PTPRT: variants seen among roughly 807,000 people sequenced by gnomAD.
PTPRT encodes the protein protein tyrosine phosphatase receptor type T, also known as receptor-type tyrosine-protein phosphatase T.
In PTPRT, 56 loss-of-function variants were observed where a neutral mutation model predicts 176.8. That is an observed-to-expected ratio of 0.32 (90% CI 0.26 to 0.40). PTPRT has a LOEUF of 0.40. Ranked by LOEUF, PTPRT falls within the 10% of genes least tolerant of loss-of-function variation. The pLI, the probability that PTPRT is intolerant of heterozygous loss-of-function variation, is 1.00. For missense variants in PTPRT, 1,540 were observed against 1,908.2 expected, an observed-to-expected ratio of 0.81 and a Z score of 3.60; for synonymous variants, 783 against 739.0, an observed-to-expected ratio of 1.06 and a Z score of -0.96.
the PTPRT span, among the ~76,000 whole-genome samples, chr20:42,058,994 G>A: frequency 3.3e-5 from 5 of 152,296 alleles, no homozygotes; most frequent in East Asian, 9.7e-4. Flanking sequence ...GGGGTTAAAA[G>A]ATCCCCAGAC....
chr20:42,381,847 A>G (rs1003761421), intron 9 of PTPRT, among the ~76,000 whole-genome samples: 6 of 152,184 alleles, frequency 3.9e-5, no homozygotes, highest in African/African-American at 1.4e-4. Context: ...AAAACCTGAT[A>G]CGATTCAGAC....
intron 7 of PTPRT, among the ~76,000 whole-genome samples, chr20:42,653,335 A>G (rs2075066685): frequency 6.6e-6 from 1 of 152,158 alleles, no homozygotes; most frequent in South Asian, 2.1e-4. Flanking sequence ...TCTTTTCTTT[A>G]TAAATTACCT....
In PTPRT at chr20:43,082,432, T is replaced by A. The variant is rs368588785; in HGVS notation, c.88+107214A>T. Among the ~76,000 whole-genome samples, 57 of 152,330 alleles carry A rather than the reference T, an allele frequency of 3.7e-4. 1 individual carries two copies. The highest frequency in any genetic ancestry group is 1.3e-3 in the African/African-American group (55 of 41,570). On this transcript the variant is annotated intron_variant, in intron 1 of 30. Coordinates refer to ENST00000373187, the MANE Select transcript of PTPRT (RefSeq NM_007050.6). ...TTTATATTTGTTTATTCCTTTAATA[T>A]CTAAAGACTATTCATGACTATATCC...
intron 1 of PTPRT, among the ~76,000 whole-genome samples, chr20:43,026,265 G>A (rs373046835): frequency 2.0e-4 from 31 of 151,940 alleles, no homozygotes; most frequent in Admixed American, 8.5e-4. Context: ...TTACAGATGC[G>A]CACCACCACA....
intron 8 of PTPRT, among the ~76,000 whole-genome samples, chr20:42,452,974 A>G (rs189838218): frequency 6.6e-6 from 1 of 152,178 alleles, no homozygotes; most frequent in Admixed American, 6.5e-5. Flanking sequence ...CCATCTTACT[A>G]CCATATTAAA....
chr20:43,007,531 C>G (rs114772894), intron 1 of PTPRT, among the ~76,000 whole-genome samples: 4,035 of 152,234 alleles, frequency 0.027, 174 homozygotes, highest in African/African-American at 0.092. Context: ...TTTCTCATTA[C>G]GGATTTTGCT....
chr20:42,562,264 T>C (rs1212069220), intron 7 of PTPRT, among the ~76,000 whole-genome samples: 2 of 152,220 alleles, frequency 1.3e-5, no homozygotes, highest in Non-Finnish European at 2.9e-5. Flanking sequence ...ACCTAGGTAA[T>C]GCCACACCCC....
At chr20:42,216,110 C>T (rs1476881149) in intron 15 of PTPRT, among the ~76,000 whole-genome samples, 2 of 152,180 alleles carry the variant, frequency 1.3e-5, no homozygotes, top group African/African-American at 2.4e-5. Flanking sequence ...CCTCCTTCTC[C>T]GTTCCACACT....
In PTPRT at chr20:42,081,948, G is replaced by C; in HGVS notation, c.4206C>G (p.Asn1402Lys). Reference protein sequence around the residue: ...CSVCEMIQQQNIIDVFHIVKT... With the variant: ...CSVCEMIQQQKIIDVFHIVKT... ...TCACGATGTGGAACACGTCAATGATGTTTTGCTGCTGGATCATCTCACACA... is the reference window on the plus strand; with the variant it reads ...TCACGATGTGGAACACGTCAATGATCTTTTGCTGCTGGATCATCTCACACA... The change falls in exon 30 of 31, where the codon AAC becomes AAG. Residue 1402 changes from asparagine (N) to lysine (K), a missense_variant. Asn to Lys is a moderately conservative substitution (Grantham distance 94). Coordinates refer to ENST00000373187, the MANE Select transcript of PTPRT (RefSeq NM_007050.6). 1 of 1,614,226 alleles carries C rather than the reference G, an allele frequency of 6.2e-7. No individual in the cohort carries two copies. Among genetic ancestry groups the C allele is most frequent in the Non-Finnish European group, 8.5e-7 (1 of 1,180,026 alleles).
At chr20:42,317,771 A>C (rs1192068020) in intron 11 of PTPRT, among the ~76,000 whole-genome samples, 2 of 152,218 alleles carry the variant, frequency 1.3e-5, no homozygotes, top group African/African-American at 4.8e-5. Context: ...TTTCTTGAGC[A>C]TAGGAATTTT....
chr20:42,154,751 C>T (rs1989277066), intron 17 of PTPRT, among the ~76,000 whole-genome samples: 2 of 152,114 alleles, frequency 1.3e-5, no homozygotes, highest in African/African-American at 4.8e-5. Context: ...ACCATGGCAG[C>T]AGTTACATGG....
At chr20:42,929,752 TG>T (rs1367697835) in intron 1 of PTPRT, among the ~76,000 whole-genome samples, 11 of 152,340 alleles carry the variant, frequency 7.2e-5, no homozygotes, top group Middle Eastern at 6.8e-3. Flanking sequence ...AAATAATATT[TG>T]GTCTGATGTT....
rs571837345 is a variant in PTPRT, at chr20:42,726,325, T to G, written c.859+30137A>C. Among the ~76,000 whole-genome samples, 4 of 152,206 alleles carry G rather than the reference T, an allele frequency of 2.6e-5. No homozygotes were observed. The South Asian group carries it at 8.3e-4, about 32-fold the overall frequency. ...AACTCCTGACCTCAGGTGATCTGCCTGCCTTGGCCTCCCAAAGTGCTGGGA... is the reference window on the plus strand; with the variant it reads ...AACTCCTGACCTCAGGTGATCTGCCGGCCTTGGCCTCCCAAAGTGCTGGGA... On this transcript the variant is annotated intron_variant, in intron 6 of 30. Transcript: ENST00000373187.
chr20:42,887,405 G>T (rs116356133), intron 1 of PTPRT, among the ~76,000 whole-genome samples: 1 of 152,260 alleles, frequency 6.6e-6, no homozygotes, highest in Admixed American at 6.5e-5. Flanking sequence ...CCAATGTCTC[G>T]ATCTTATACT....
At position 43,028,123 on chromosome 20, in the gene PTPRT, T is replaced by C. The variant is rs79421762; in HGVS notation, c.89-142191A>G. ...ACGAGTCACTGCTAAGTCCTTTAAA[T>C]TATCATACTTGTTCTTATACCACCC... On this transcript the variant is annotated intron_variant, in intron 1 of 30. Coordinates refer to ENST00000373187, the MANE Select transcript of PTPRT (RefSeq NM_007050.6). Among the ~76,000 whole-genome samples the C allele has an allele frequency of 4.5e-3, 687 of 152,306 alleles. 3 individuals carry two copies. Among genetic ancestry groups the C allele is most frequent in the Non-Finnish European group, 8.4e-3 (571 of 68,022 alleles).
intron 9 of PTPRT, among the ~76,000 whole-genome samples, chr20:42,395,532 G>A (rs2058840863): frequency 6.6e-6 from 1 of 151,958 alleles, no homozygotes; most frequent in African/African-American, 2.4e-5. Context: ...CCCACCTTTT[G>A]ATCAGAGAAC....
chr20:42,429,266 G>A (rs774665404), intron 9 of PTPRT, among the ~76,000 whole-genome samples: 4 of 152,128 alleles, frequency 2.6e-5, no homozygotes, highest in Admixed American at 6.5e-5. Context: ...ATTCGAGCAG[G>A]AAATAGACAG....
intron 7 of PTPRT, among the ~76,000 whole-genome samples, chr20:42,586,976 A>G (rs1601325204): frequency 6.6e-6 from 1 of 152,002 alleles, no homozygotes; most frequent in South Asian, 2.1e-4. Context: ...GCCCTGATGG[A>G]CCCCATGGTC....
At chr20:43,041,526 T>C (rs903362497) in intron 1 of PTPRT, among the ~76,000 whole-genome samples, 2 of 152,202 alleles carry the variant, frequency 1.3e-5, no homozygotes, top group African/African-American at 4.8e-5. Context: ...CATTGAGTTG[T>C]AGGAAAGTAC....
Sources: gnomAD v4.1 joint callset for allele counts (sites outside exome capture counted in the v4.1 genomes callset) on GRCh38, gnomAD v4.1.1 for gene constraint, MANE v1.5 for transcripts, NCBI Gene and HGNC (gene_info 2026-07-23, HGNC 2026-07-21) for gene names.